RAB8A: variants seen among roughly 807,000 people sequenced by gnomAD.
RAB8A encodes the protein ras-related protein Rab-8A.
RAB8A carries 5 observed loss-of-function variants against 29.2 expected under a neutral mutation model. The ratio of observed to expected loss-of-function variants is 0.17; its 90% CI spans 0.09 to 0.36. RAB8A has a LOEUF of 0.36. RAB8A is among the 10% of genes least tolerant of loss of function. The pLI is 1.00. For missense variants in RAB8A, 171 were observed against 272.2 expected (o/e 0.63, Z 2.62); for synonymous variants, 108 against 99.9 (o/e 1.08, Z -0.49).
rs1003117842 is a variant in RAB8A at position 16,122,830 on chromosome 19, T to C, written c.246+1020T>C. ...CCTTAGTGTGCCTCAGTAAAATTAA[T>C]GTATTTCTTTCCCCCCACCTCACAG... On this transcript the variant is annotated intron_variant, in intron 3 of 7. Transcript: ENST00000300935. The surrounding 1 kb of genome is among the most constrained non-coding windows in gnomAD (Gnocchi z 4.7). Among the ~76,000 whole-genome samples the C allele has an allele frequency of 1.3e-5, 2 of 152,072 alleles. No individual in the cohort carries two copies. The highest frequency in any genetic ancestry group is 2.9e-5 in the Non-Finnish European group (2 of 68,010).
At chr19:16,123,192 T>C (rs1257154036) in intron 3 of RAB8A, among the ~76,000 whole-genome samples, 1 of 152,202 alleles carries the variant, frequency 6.6e-6, no homozygotes, top group Non-Finnish European at 1.5e-5. Flanking sequence ...GCTGTTTGTC[T>C]CTAGCACCCA....
chr19:16,121,736 C>T lies in RAB8A; in HGVS notation c.186-14C>T, dbSNP rs375712145. On this transcript the variant is annotated splice_polypyrimidine_tract_variant and intron_variant, in intron 2 of 7. Coordinates refer to ENST00000300935, the MANE Select transcript of RAB8A (RefSeq NM_005370.5). ...TCCTTTAATGTTGCTAATATCCCTT[C>T]TCTTCATGTTTAGGGACACAGCCGG... 2.6e-5 allele frequency: 42 copies of T among 1,611,398 alleles called. 1 individual carries two copies. In the African/African-American group the frequency reaches 4.8e-4, roughly 18 times the overall value.
intron 1 of RAB8A, 60 bp downstream of exon 1, chr19:16,112,085 G>A: frequency 6.3e-7 from 1 of 1,596,416 alleles, no homozygotes; most frequent in Non-Finnish European, 8.5e-7. Flanking sequence ...CGCCCCTGAG[G>A]GGCTGGGGCT....
chr19:16,127,944 C>G lies in RAB8A; in HGVS notation c.415-82C>G, dbSNP rs770697013. 1.3e-5 allele frequency: 19 copies of G among 1,458,744 alleles called. No individual in the cohort carries two copies. Among genetic ancestry groups the G allele is most frequent in the Admixed American group, 1.7e-5 (1 of 59,630 alleles). The allele number at this position is 1,458,744 out of a possible 1,614,324, so 90.4% of individuals were successfully genotyped here. ...GTTGCTGCTCCCTCTTGGCGCCGGC[C>G]CTGCCTTCAGCTCCTGTTTTAGGCA... is the stretch of plus-strand genomic sequence containing the variant. On this transcript the variant is annotated intron_variant, in intron 5 of 7. Transcript: ENST00000300935. The surrounding 1 kb of genome is among the most constrained non-coding windows in gnomAD (Gnocchi z 4.8).
At chr19:16,116,891 CAAAA>C (rs1160942876) in intron 1 of RAB8A, among the ~76,000 whole-genome samples, 1 of 92,634 alleles carries the variant, frequency 1.1e-5, no homozygotes. Context: ...AACTCCATCT[CAAAA>C]AAAAAAAAAA....
chr19:16,123,689 C>T (rs1390047097), intron 3 of RAB8A: 1 of 152,148 alleles, frequency 6.6e-6, no homozygotes, highest in African/African-American at 2.4e-5. Flanking sequence ...TTCTGATGCC[C>T]TAGAGCCTTG....
At chr19:16,121,889 C>A in intron 3 of RAB8A, 79 bp downstream of exon 3, 1 of 1,401,586 alleles carries the variant, frequency 7.1e-7, no homozygotes, top group Non-Finnish European at 1.0e-6. Context: ...GTTACCGAAG[C>A]CTAGATGTTT....
At chr19:16,113,533 C>T (rs577862867) in intron 1 of RAB8A, among the ~76,000 whole-genome samples, 8 of 152,114 alleles carry the variant, frequency 5.3e-5, no homozygotes, top group Non-Finnish European at 1.0e-4. Context: ...TCCCTAGTAG[C>T]TGGGATTATA....
intron 2 of RAB8A, among the ~76,000 whole-genome samples, chr19:16,120,623 T>C (rs2090870317): frequency 6.6e-6 from 1 of 150,492 alleles, no homozygotes; most frequent in Admixed American, 6.6e-5. Context: ...TTTTTTTTTT[T>C]TTCCTGAGAC....
At chr19:16,120,152 G>A (rs1456947458) in intron 2 of RAB8A, among the ~76,000 whole-genome samples, 3 of 151,940 alleles carry the variant, frequency 2.0e-5, no homozygotes, top group African/African-American at 7.2e-5. Flanking sequence ...CCTGCTGCTG[G>A]TGTCAGAAAG....
Position 16,127,952 on chromosome 19 carries a change from C to T in RAB8A, c.415-74C>T. On this transcript the variant is annotated intron_variant, in intron 5 of 7. Coordinates refer to ENST00000300935, the MANE Select transcript of RAB8A (RefSeq NM_005370.5). The surrounding 1 kb of genome is among the most constrained non-coding windows in gnomAD (Gnocchi z 4.8). ...TCCCTCTTGGCGCCGGCCCTGCCTT[C>T]AGCTCCTGTTTTAGGCAAGCTCAGA... The T allele has an allele frequency of 6.6e-7, 1 of 1,510,240 alleles. No individual in the cohort carries two copies. The highest frequency in any genetic ancestry group is 9.2e-7 in the Non-Finnish European group (1 of 1,086,016). The allele number at this position is 1,510,240 out of a possible 1,614,324, so 93.6% of individuals were successfully genotyped here. A position where few individuals can be genotyped will look rare whatever the true frequency, so the allele number is the denominator to read the frequency against.
chr19:16,120,633 CAG>C (rs1483477605), intron 2 of RAB8A, among the ~76,000 whole-genome samples: 1 of 142,150 alleles, frequency 7.0e-6, no homozygotes, highest in African/African-American at 2.6e-5. Context: ...TTTCCTGAGA[CAG>C]AGTCTTACTC....
chr19:16,122,997 A>G lies in RAB8A; in HGVS notation c.246+1187A>G, dbSNP rs1234930691. Among the ~76,000 whole-genome samples the G allele has an allele frequency of 6.6e-6, 1 of 152,136 alleles. No individual in the cohort carries two copies. Among genetic ancestry groups the G allele is most frequent in the African/African-American group, 2.4e-5 (1 of 41,432 alleles). ...ACCTTCCACCCTGCCCTGACCACCA[A>G]GCCCTCCCCTGCACCAGGCAGTGGG... On this transcript the variant is annotated intron_variant, in intron 3 of 7. Transcript: ENST00000300935. The surrounding 1 kb of genome is among the most constrained non-coding windows in gnomAD (Gnocchi z 4.7).
At chr19:16,115,194 A>G (rs571420063) in intron 1 of RAB8A, among the ~76,000 whole-genome samples, 178 of 152,242 alleles carry the variant, frequency 1.2e-3, no homozygotes, top group African/African-American at 4.1e-3. Context: ...AGGCTGAGGC[A>G]GGAGAATCGC....
chr19:16,122,748 T>G lies in RAB8A; in HGVS notation c.246+938T>G, dbSNP rs756309909. Reference sequence around the variant, plus strand: ...GAGATGGAAGGAGGCATTATGTGTTTAGAGCATCCCACACGGCATCCGAAA... The same window carrying G: ...GAGATGGAAGGAGGCATTATGTGTTGAGAGCATCCCACACGGCATCCGAAA... On this transcript the variant is annotated intron_variant, in intron 3 of 7. Transcript: ENST00000300935. This position sits in a 1 kb window ranked among gnomAD's most constrained non-coding sequence, Gnocchi z 4.7. 2.6e-5 allele frequency among the ~76,000 whole-genome samples: 4 copies of G among 152,178 alleles called. No individual in the cohort carries two copies. The highest frequency in any genetic ancestry group is 4.4e-5 in the Non-Finnish European group (3 of 68,024).
chr19:16,129,433 A>C (rs1178992072), intron 6 of RAB8A, 121 bp from the exon 7 acceptor site: 2 of 914,400 alleles, frequency 2.2e-6, no homozygotes, highest in East Asian at 4.8e-5. Flanking sequence ...AGAGGCGGGC[A>C]TCAAAGGGCC....
chr19:16,111,914 TACG>T lies in RAB8A; in HGVS notation c.15_17del (p.Asp6del). On this transcript the variant is annotated inframe_deletion, in exon 1 of 8. Coordinates refer to ENST00000300935, the MANE Select transcript of RAB8A (RefSeq NM_005370.5). ...GAGAGAGTGTAATATGGCGAAGACC[TACG>T]ATTACCTGTTCAAGCTGCTGCTGAT... The T allele has an allele frequency of 6.2e-7, 1 of 1,613,940 alleles. No homozygotes were observed. The highest frequency in any genetic ancestry group is 8.5e-7 in the Non-Finnish European group (1 of 1,179,876).
chr19:16,127,539 G>T lies in RAB8A; in HGVS notation c.414+13G>T, dbSNP rs765353460. 6.6e-7 allele frequency: 1 copy of T among 1,505,284 alleles called. No individual in the cohort carries two copies. Among genetic ancestry groups the T allele is most frequent in the Middle Eastern group, 1.8e-4 (1 of 5,598 alleles). The allele number at this position is 1,505,284 out of a possible 1,614,324, so 93.2% of individuals were successfully genotyped here. A position where few individuals can be genotyped will look rare whatever the true frequency, so the allele number is the denominator to read the frequency against. On this transcript the variant is annotated intron_variant, in intron 5 of 7. Coordinates refer to ENST00000300935, the MANE Select transcript of RAB8A (RefSeq NM_005370.5). This position sits in a 1 kb window ranked among gnomAD's most constrained non-coding sequence, Gnocchi z 4.8. ...ACGGGGAGAAAAGGTGGGCATGGTG[G>T]CACAAGGGGCAGAGGGCCTCGGGGT...
intron 1 of RAB8A, among the ~76,000 whole-genome samples, chr19:16,117,495 A>G (rs1317307584): frequency 1.3e-5 from 2 of 151,948 alleles, no homozygotes; most frequent in Non-Finnish European, 2.9e-5. Context: ...TCTCAAAAAA[A>G]AAAAAAGAAA....
Sources: gnomAD v4.1 joint callset for allele counts (sites outside exome capture counted in the v4.1 genomes callset) on GRCh38, gnomAD v4.1.1 for gene constraint, Gnocchi (gnomAD v3.1) non-coding constraint, MANE v1.5 for transcripts, NCBI Gene and HGNC (gene_info 2026-07-23, HGNC 2026-07-21) for gene names.